The following SEMA4D variants were observed in gnomAD, a reference collection of about 807,000 sequenced individuals.
SEMA4D encodes semaphorin-4D.
SEMA4D carries 22 observed loss-of-function variants against 74.8 expected under a neutral mutation model. The observed-to-expected ratio is 0.29, with a 90% CI of 0.21 to 0.42. The LOEUF (loss-of-function observed/expected upper bound fraction) is 0.42, where lower values mean the gene tolerates loss of function less well. Among genes scored for constraint, SEMA4D ranks in the 10% least tolerant of loss-of-function variants. The probability of loss-of-function intolerance (pLI) is 1.00; values close to 1 mark genes in which losing one functional copy is unlikely to be tolerated. For synonymous variants in SEMA4D, 445 were observed against 463.7 expected (o/e 0.96, Z 0.52); for missense variants, 937 against 1,118.4 (o/e 0.84, Z 2.31).
chr9:89,474,161 T>G (rs1861172160), intron 1 of SEMA4D, among the ~76,000 whole-genome samples: 1 of 152,184 alleles, frequency 6.6e-6, no homozygotes, highest in Non-Finnish European at 1.5e-5. Context: ...CCCCTTTGGT[T>G]GCCAAGAAAC....
At chr9:89,363,943 T>C in exon 17 of SEMA4D, 6 of 1,614,034 alleles carry the variant, frequency 3.7e-6, no homozygotes, top group Non-Finnish European at 5.1e-6. Flanking sequence ...AGCGAATGTC[T>C]GCAGGACCTG....
chr9:89,450,215 G>A (rs61736836), intron 2 of SEMA4D: 17,550 of 1,249,980 alleles, frequency 0.014, 292 homozygotes, highest in African/African-American at 0.073. Context: ...CTGAATTTGA[G>A]GTACATGAAG....
At chr9:89,380,421 C>A (rs1429057114) in intron 15 of SEMA4D, among the ~76,000 whole-genome samples, 1 of 152,116 alleles carries the variant, frequency 6.6e-6, no homozygotes, top group East Asian at 1.9e-4. Context: ...AGCCTTGAAC[C>A]CCTGGGCACA....
chr9:89,471,627 T>C (rs934040378), intron 1 of SEMA4D, among the ~76,000 whole-genome samples: 27 of 133,672 alleles, frequency 2.0e-4, no homozygotes, highest in African/African-American at 7.9e-4. Context: ...CTCAGGTGCA[T>C]ACAGGCTGAG....
chr9:89,487,548 A>G (rs1220181949), intron 1 of SEMA4D, among the ~76,000 whole-genome samples: 1 of 152,166 alleles, frequency 6.6e-6, no homozygotes, highest in Non-Finnish European at 1.5e-5. Flanking sequence ...GAAAAGAAGA[A>G]AAAGGAGTAA....
At chr9:89,362,313 G>T in exon 19 of SEMA4D, 13 of 1,610,412 alleles carry the variant, frequency 8.1e-6, no homozygotes, top group Non-Finnish European at 1.1e-5. Context: ...CAGTTGTGGG[G>T]GACCAGGCCT....
intron 1 of SEMA4D, among the ~76,000 whole-genome samples, chr9:89,466,262 T>G (rs528759726): frequency 1.1e-3 from 173 of 152,200 alleles, no homozygotes; most frequent in South Asian, 5.4e-3. Flanking sequence ...AAAAATAGGG[T>G]GATCACTCCG....
At chr9:89,364,569 G>C (rs1261673540) in intron 16 of SEMA4D, 2 of 160,974 alleles carry the variant, frequency 1.2e-5, no homozygotes, top group East Asian at 1.8e-4. Flanking sequence ...GCACATCCAG[G>C]ATGGGCTTCC....
At chr9:89,443,151 G>T (rs563011658) in intron 2 of SEMA4D, among the ~76,000 whole-genome samples, 4 of 152,328 alleles carry the variant, frequency 2.6e-5, no homozygotes, top group African/African-American at 7.2e-5. Context: ...GTCCCCTAGG[G>T]ACTTCTCCAC....
chr9:89,464,485 GAA>G (rs1357636399), intron 1 of SEMA4D, among the ~76,000 whole-genome samples: 10 of 152,126 alleles, frequency 6.6e-5, no homozygotes, highest in Non-Finnish European at 1.2e-4. Flanking sequence ...ATCTGGACAG[GAA>G]AAGACAGGAG....
intron 1 of SEMA4D, among the ~76,000 whole-genome samples, chr9:89,475,792 C>T (rs1861598026): frequency 6.6e-6 from 1 of 152,088 alleles, no homozygotes; most frequent in Non-Finnish European, 1.5e-5. Flanking sequence ...TCACAGAGAG[C>T]GGGAAACAAT....
chr9:89,385,866 G>GGGGGGGGGGGGGGGCCCCC, intron 13 of SEMA4D: 2 of 196,226 alleles, frequency 1.0e-5, no homozygotes, highest in Non-Finnish European at 1.8e-5. Context: ...CAGCGTGGAT[G>GGGGGGGGGGGGGGGCCCCC]CCCGCCCACC....
intron 2 of SEMA4D, chr9:89,449,972 G>A: frequency 6.5e-7 from 1 of 1,542,106 alleles, no homozygotes; most frequent in Non-Finnish European, 8.9e-7. Flanking sequence ...TAACAGGGAG[G>A]AAAGCAGATG....
rs1843148488 is a variant in SEMA4D, at chr9:89,405,512, C to T, written c.-56G>A. On this transcript the variant is annotated 5_prime_UTR_variant, in exon 3 of 16. Transcript: ENST00000422704. ...GCAAAGGCTCACGGCAGCAGGTGGC[C>T]GGGCAGGTGTGCTATTGCAGATGCG... 9 of 1,602,362 alleles carry T rather than the reference C, an allele frequency of 5.6e-6. No individual in the cohort carries two copies. Among genetic ancestry groups the T allele is most frequent in the Non-Finnish European group, 6.8e-6 (8 of 1,176,802 alleles).
chr9:89,391,292 A>T lies in SEMA4D; in HGVS notation c.746T>A (p.Leu249Gln), dbSNP rs1198553854. The change falls in exon 9 of 16, where the codon CTG (leucine) becomes CAG (glutamine). Residue 249 changes from leucine to glutamine, a missense_variant. Physicochemically the swap from Leu to Gln is moderately radical, Grantham distance 113 (BLOSUM62 -2). Coordinates refer to ENST00000422704, the MANE Select transcript of SEMA4D (RefSeq NM_001371194.2). ...GCACACTCTTGCTATCCGTGGGATC[A>T]GCACCCTGAACACAAACTCATACTC... ...SVEYEFVFRV[L>Q]IPRIARVCKG... is the part of the protein sequence containing the mutation. 5 of 1,614,242 alleles carry T rather than the reference A, an allele frequency of 3.1e-6. No individual in the cohort carries two copies. Among genetic ancestry groups the T allele is most frequent in the Non-Finnish European group, 4.2e-6 (5 of 1,180,038 alleles).
chr9:89,426,089 AGG>A (rs1848036310), intron 2 of SEMA4D, among the ~76,000 whole-genome samples: 1 of 152,192 alleles, frequency 6.6e-6, no homozygotes, highest in African/African-American at 2.4e-5. Flanking sequence ...AAGTGTCCGC[AGG>A]GGGAGCGCAT....
chr9:89,470,261 T>C (rs1348711061), intron 1 of SEMA4D, among the ~76,000 whole-genome samples: 1 of 152,166 alleles, frequency 6.6e-6, no homozygotes, highest in Non-Finnish European at 1.5e-5. Context: ...GTATTTAGAA[T>C]ATATAAAGAA....
intron 13 of SEMA4D, among the ~76,000 whole-genome samples, chr9:89,382,272 C>T (rs1306161457): frequency 6.6e-6 from 1 of 152,258 alleles, no homozygotes; most frequent in Non-Finnish European, 1.5e-5. Flanking sequence ...AGCGCGCTCT[C>T]TAGCCTCTGC....
downstream of SEMA4D, chr9:89,376,634 G>A (rs1359763417): frequency 2.8e-6 from 2 of 719,378 alleles, no homozygotes; most frequent in African/African-American, 1.8e-5. Context: ...CACTAGAAGT[G>A]GCTTCACACT....
Sources: allele counts gnomAD v4.1 joint callset (sites outside exome capture counted in the v4.1 genomes callset), GRCh38; gene constraint gnomAD v4.1.1; transcripts MANE v1.5; gene names NCBI Gene and HGNC (gene_info 2026-07-23, HGNC 2026-07-21).